Variants in RALGAPB observed in about 807,000 individuals in gnomAD.
The protein encoded by RALGAPB is Ral GTPase activating protein non-catalytic subunit beta.
Under a neutral mutation model 161.1 loss-of-function variants are expected in RALGAPB, and 25 were observed. The observed-to-expected ratio is 0.16, with a 90% CI of 0.11 to 0.22. The LOEUF is 0.22. Ranked by LOEUF, RALGAPB falls within the 10% of genes least tolerant of loss-of-function variation. The probability of loss-of-function intolerance (pLI) is 1.00; values close to 1 mark genes in which losing one functional copy is unlikely to be tolerated. For synonymous variants in RALGAPB, 629 were observed against 626.1 expected (o/e 1.00, Z -0.07); for missense variants, 1,391 against 1,815.2 (o/e 0.77, Z 4.25).
chr20:38,493,949 ACCT>A (rs2085344219), intron 3 of RALGAPB, among the ~76,000 whole-genome samples: 1 of 151,858 alleles, frequency 6.6e-6, no homozygotes, highest in African/African-American at 2.4e-5. Context: ...TTCCTCTAAG[ACCT>A]CCTAAAGATC....
At chr20:38,555,042 C>A (rs1568972144) in intron 22 of RALGAPB, among the ~76,000 whole-genome samples, 1 of 152,158 alleles carries the variant, frequency 6.6e-6, no homozygotes, top group African/African-American at 2.4e-5. Flanking sequence ...TATGGTCACT[C>A]CACTCCACTC....
intron 18 of RALGAPB, among the ~76,000 whole-genome samples, chr20:38,544,438 C>G (rs1454507287): frequency 1.3e-5 from 2 of 151,898 alleles, no homozygotes; most frequent in Non-Finnish European, 2.9e-5. Context: ...GAGCCTCTTA[C>G]AGGTGGTTTA....
intron 18 of RALGAPB, among the ~76,000 whole-genome samples, chr20:38,542,691 A>G (rs1452002880): frequency 6.6e-6 from 1 of 152,122 alleles, no homozygotes; most frequent in Non-Finnish European, 1.5e-5. Flanking sequence ...CCTGGCCAGC[A>G]TGGTGAAACC....
intron 9 of RALGAPB, among the ~76,000 whole-genome samples, chr20:38,519,607 C>G (rs2086231001): frequency 1.3e-5 from 2 of 152,122 alleles, no homozygotes; most frequent in African/African-American, 4.8e-5. Flanking sequence ...TCAAATCATA[C>G]GTGAACAACA....
chr20:38,527,149 T>C (rs2086496048), intron 13 of RALGAPB, among the ~76,000 whole-genome samples: 1 of 152,258 alleles, frequency 6.6e-6, no homozygotes, highest in South Asian at 2.1e-4. Context: ...AGAGGCTTTC[T>C]TTCTTCTCTT....
chr20:38,531,391 G>A (rs1180287848), intron 14 of RALGAPB, among the ~76,000 whole-genome samples, 160 bp downstream of exon 14: 2 of 152,082 alleles, frequency 1.3e-5, no homozygotes, highest in African/African-American at 2.4e-5. Flanking sequence ...TATATTTTGA[G>A]GTTTGCTTTT....
chr20:38,544,166 G>T (rs1407065744), intron 18 of RALGAPB, among the ~76,000 whole-genome samples: 1 of 152,084 alleles, frequency 6.6e-6, no homozygotes, highest in African/African-American at 2.4e-5. Flanking sequence ...AACCCCCAAG[G>T]TTGCCCATTT....
chr20:38,543,661 CAG>C (rs2087054968), intron 18 of RALGAPB, among the ~76,000 whole-genome samples: 1 of 152,210 alleles, frequency 6.6e-6, no homozygotes, highest in South Asian at 2.1e-4. Context: ...TCAGGCCTGA[CAG>C]AGCACTGTGG....
chr20:38,557,353 T>C (rs2087620854), intron 22 of RALGAPB, among the ~76,000 whole-genome samples: 1 of 152,222 alleles, frequency 6.6e-6, no homozygotes, highest in South Asian at 2.1e-4. Context: ...TGAACCTGTA[T>C]TGGTGCATTA....
Position 38,541,180 on chromosome 20 carries a change from C to T in RALGAPB, c.2702C>T (p.Ala901Val). 6.2e-7 allele frequency: 1 copy of T among 1,613,952 alleles called. No homozygotes were observed. Among genetic ancestry groups the T allele is most frequent in the African/African-American group, 1.3e-5 (1 of 75,020 alleles). ...ASMRVKDAAE[A>V]TLTCIMQLLG... ...ATGAGGGTAAAGGATGCTGCTGAAGCCACCCTAACATGGTATGGAAGTGAC... is the reference window on the plus strand; with the variant it reads ...ATGAGGGTAAAGGATGCTGCTGAAGTCACCCTAACATGGTATGGAAGTGAC... The change falls in exon 18 of 30, where the codon GCC becomes GTC. Residue 901 changes from alanine (A) to valine (V), a missense_variant. Transcript: ENST00000262879.
At chr20:38,542,873 A>G (rs1463252532) in intron 18 of RALGAPB, among the ~76,000 whole-genome samples, 1 of 152,136 alleles carries the variant, frequency 6.6e-6, no homozygotes. Context: ...CAGAAAAAAA[A>G]AAGTGTCATA....
Position 38,493,116 on chromosome 20 carries a change from A to C in RALGAPB, c.373A>C (p.Asn125His). Residue 125 changes from asparagine to histidine, a missense_variant, in exon 3 of 30, where the codon AAT (asparagine) becomes CAT (histidine). Physicochemically the swap from Asn to His is moderately conservative, Grantham distance 68 (BLOSUM62 1). Around this residue, in one of 3 missense-constraint regions of RALGAPB, gnomAD observed 946 missense variants for 1,257.2 expected, o/e 0.75. Coordinates refer to ENST00000262879, the MANE Select transcript of RALGAPB (RefSeq NM_020336.4). ...TCAAACTATACTAAAACACCTACAG[A>C]ATCTTTTTGTACCAAGGTAAGCTAT... ...YVQTILKHLQ[N>H]LFVPRQEQGS... is the part of the protein sequence containing the mutation. 6.2e-7 allele frequency: 1 copy of C among 1,605,256 alleles called. No homozygotes were observed. Among genetic ancestry groups the C allele is most frequent in the Non-Finnish European group, 8.5e-7 (1 of 1,173,722 alleles).
intron 6 of RALGAPB, among the ~76,000 whole-genome samples, chr20:38,509,825 T>C (rs2085879802): frequency 6.6e-6 from 1 of 152,252 alleles, no homozygotes; most frequent in African/African-American, 2.4e-5. Context: ...CTTTCTGGTT[T>C]AACTAGCCTA....
intron 15 of RALGAPB, among the ~76,000 whole-genome samples, chr20:38,534,043 G>A (rs1006377622): frequency 6.6e-6 from 1 of 150,608 alleles, no homozygotes; most frequent in Admixed American, 6.6e-5. Context: ...GGAGGCCAAG[G>A]TAGGAGACTC....
At chr20:38,497,244 T>A in intron 3 of RALGAPB, 109 bp from the exon 4 acceptor site, 2 of 968,362 alleles carry the variant, frequency 2.1e-6, no homozygotes, top group Non-Finnish European at 3.1e-6. Flanking sequence ...GCTGATAATA[T>A]TAGGGAGCTT....
chr20:38,516,754 ATAC>A, intron 7 of RALGAPB: 1 of 160,550 alleles, frequency 6.2e-6, no homozygotes, highest in East Asian at 1.8e-4. Flanking sequence ...ATCCAGGAAA[ATAC>A]AGATGAAAAT....
At chr20:38,502,657 C>T (rs918516682) in intron 5 of RALGAPB, among the ~76,000 whole-genome samples, 1 of 152,232 alleles carries the variant, frequency 6.6e-6, no homozygotes, top group Admixed American at 6.5e-5. Flanking sequence ...GCGATCTCAG[C>T]TCACTGCAAC....
At chr20:38,527,405 C>T (rs1568943625) in intron 13 of RALGAPB, among the ~76,000 whole-genome samples, 1 of 152,144 alleles carries the variant, frequency 6.6e-6, no homozygotes, top group Non-Finnish European at 1.5e-5. Flanking sequence ...TAGTAGGTGA[C>T]TGGAGTTGTC....
intron 3 of RALGAPB, 86 bp downstream of exon 3, chr20:38,493,218 T>C: frequency 2.8e-6 from 3 of 1,085,382 alleles, no homozygotes; most frequent in Non-Finnish European, 4.0e-6. Flanking sequence ...GCTGATTTCA[T>C]TGTTAGTCCT....
Sources: gnomAD v4.1 joint callset for allele counts (sites outside exome capture counted in the v4.1 genomes callset) on GRCh38, gnomAD v4.1.1 for gene constraint, gnomAD v4.1.1 regional missense constraint, MANE v1.5 for transcripts, NCBI Gene and HGNC (gene_info 2026-07-23, HGNC 2026-07-21) for gene names.